Variants in ANK2 observed in about 807,000 individuals in gnomAD.
The protein encoded by ANK2 is ankyrin 2, also known as ankyrin-2.
ANK2 carries 83 observed loss-of-function variants against 360.5 expected under a neutral mutation model. That is an observed-to-expected ratio of 0.23 (90% CI 0.19 to 0.28). The LOEUF is 0.28. Ranked by LOEUF, ANK2 falls within the 10% of genes least tolerant of loss-of-function variation. The pLI, the probability that ANK2 is intolerant of heterozygous loss-of-function variation, is 1.00. For missense variants in ANK2, 4,201 were observed against 4,795.7 expected (o/e 0.88, Z 3.66); for synonymous variants, 1,740 against 1,759.5 (o/e 0.99, Z 0.28).
the ANK2 span, among the ~76,000 whole-genome samples, chr4:112,774,968 T>G: frequency 1.3e-5 from 2 of 152,192 alleles, no homozygotes; most frequent in Non-Finnish European, 2.9e-5. Context: ...TTTTAAAGAC[T>G]CAACTGAAAT....
At chr4:113,093,136 C>T (rs977951219) in intron 1 of ANK2, among the ~76,000 whole-genome samples, 1 of 152,068 alleles carries the variant, frequency 6.6e-6, no homozygotes, top group African/African-American at 2.4e-5. Context: ...CTGGCAGTAA[C>T]CAATTATTAT....
the ANK2 span, chr4:112,797,878 T>G: frequency 6.5e-6 from 1 of 153,692 alleles, no homozygotes. Flanking sequence ...TTTTACCAAA[T>G]TAATTTTATT....
chr4:113,178,792 T>C (rs968883026), intron 2 of ANK2, among the ~76,000 whole-genome samples: 2 of 152,122 alleles, frequency 1.3e-5, no homozygotes, highest in African/African-American at 4.8e-5. Context: ...CAGGGATTAG[T>C]TCAAGTTTAC....
chr4:112,951,956 A>T (rs1189581408), intron 2 of ANK2, among the ~76,000 whole-genome samples: 1 of 152,210 alleles, frequency 6.6e-6, no homozygotes, highest in Non-Finnish European at 1.5e-5. Flanking sequence ...CCAATTTATT[A>T]ACCCTTTACC....
At chr4:113,023,331 C>G (rs1579281925) in intron 2 of ANK2, among the ~76,000 whole-genome samples, 1 of 152,178 alleles carries the variant, frequency 6.6e-6, no homozygotes, top group East Asian at 1.9e-4. Flanking sequence ...AGATTCTGTC[C>G]CTGCATGGGC....
chr4:112,871,196 T>C (rs2150257841), intron 1 of ANK2, among the ~76,000 whole-genome samples: 1 of 152,212 alleles, frequency 6.6e-6, no homozygotes, highest in East Asian at 1.9e-4. Flanking sequence ...TAGTTTTTTT[T>C]TTTTTGTGAG....
intron 32 of ANK2, among the ~76,000 whole-genome samples, chr4:113,340,920 T>A (rs1171285642): frequency 1.3e-5 from 2 of 151,616 alleles, no homozygotes; most frequent in East Asian, 1.9e-4. Flanking sequence ...AATGAAAATA[T>A]TTCCATCTAA....
intron 26 of ANK2, among the ~76,000 whole-genome samples, chr4:113,329,912 T>A (rs1232576652): frequency 6.6e-6 from 1 of 152,208 alleles, no homozygotes; most frequent in Non-Finnish European, 1.5e-5. Flanking sequence ...AGGAAACTTG[T>A]CAATTGTTCT....
chr4:113,324,028 C>T (rs534730063), intron 26 of ANK2, among the ~76,000 whole-genome samples: 21 of 152,290 alleles, frequency 1.4e-4, no homozygotes, highest in Middle Eastern at 3.4e-3. Flanking sequence ...CTGTTCCAGA[C>T]TTACTGTGGA....
At chr4:112,713,609 A>C in the ANK2 span, among the ~76,000 whole-genome samples, 1 of 152,094 alleles carries the variant, frequency 6.6e-6, no homozygotes, top group Admixed American at 6.6e-5. Context: ...TGTGTGAAGC[A>C]TGTTTTTATT....
intron 2 of ANK2, among the ~76,000 whole-genome samples, chr4:112,971,839 T>G (rs2039663765): frequency 6.6e-6 from 1 of 152,156 alleles, no homozygotes; most frequent in African/African-American, 2.4e-5. Flanking sequence ...TACCCTATGA[T>G]GAAAGACTCA....
At position 113,145,793 on chromosome 4, in the gene ANK2, G is replaced by T. The variant is rs577677358; in HGVS notation, c.85-28623G>T. 1.3e-5 allele frequency: 16 copies of T among 1,259,140 alleles called. No homozygotes were observed. The South Asian group carries it at 2.0e-4, about 16-fold the overall frequency. 78.0% of individuals were successfully genotyped at this position (1,259,140 alleles called of 1,614,324 possible). On this transcript the variant is annotated intron_variant, in intron 1 of 45. Coordinates refer to ENST00000357077, the MANE Select transcript of ANK2 (RefSeq NM_001148.6). ...TCATCTTGATGAATTGCCCACATTA[G>T]TGTACCCCTGGGAGCCCTGGACAGA...
Position 112,918,070 on chromosome 4 carries a change from A to T in ANK2, c.21+13556A>T, listed in dbSNP as rs527501220. ...GCACTATCAACATCTTTCTTCTCTGACCCTGCTTTACCTGTCAGTTCTTTA... is the reference window on the plus strand; with the variant it reads ...GCACTATCAACATCTTTCTTCTCTGTCCCTGCTTTACCTGTCAGTTCTTTA... On this transcript the variant is annotated intron_variant, in intron 2 of 30. Coordinates refer to the ANK2 transcript ENST00000503271. 2.6e-4 allele frequency among the ~76,000 whole-genome samples: 40 copies of T among 152,170 alleles called. 3 individuals carry two copies. The South Asian group carries it at 8.3e-3, about 32-fold the overall frequency.
intron 4 of ANK2, among the ~76,000 whole-genome samples, chr4:113,224,866 G>T (rs2099196108): frequency 7.0e-6 from 1 of 142,624 alleles, no homozygotes; most frequent in South Asian, 2.3e-4. Context: ...CTGGCTAAGA[G>T]ATCTTTGAAG....
rs756356716 is a variant in ANK2 at position 113,358,021 on chromosome 4, G to C, written c.9403G>C (p.Gly3135Arg). The change falls in exon 38 of 46, where the codon GGT becomes CGT. Residue 3135 changes from glycine (G) to arginine (R), a missense_variant. By Grantham distance (125) the Gly-to-Arg change is moderately radical. This residue lies in a region of ANK2 where 2,642 missense variants were observed against 2,714.5 expected (regional missense o/e 0.97). Coordinates refer to ENST00000357077, the MANE Select transcript of ANK2 (RefSeq NM_001148.6). ...TGAAAGTTTTCACTTTTTCCAAATTGGTCAAGAATCCAGGGAAGAGACTCT... is the reference window on the plus strand; with the variant it reads ...TGAAAGTTTTCACTTTTTCCAAATTCGTCAAGAATCCAGGGAAGAGACTCT... ...ADESFHFFQI[G>R]QESREETLSE... 3 of 1,613,872 alleles carry C rather than the reference G, an allele frequency of 1.9e-6. No individual in the cohort carries two copies. The highest frequency in any genetic ancestry group is 3.3e-5 in the Admixed American group (2 of 59,990).
chr4:113,108,544 T>C (rs1562124150), intron 1 of ANK2, among the ~76,000 whole-genome samples: 1 of 152,168 alleles, frequency 6.6e-6, no homozygotes, highest in Admixed American at 6.5e-5. Context: ...TATTATAGAA[T>C]GGCTAGTAAG....
At chr4:112,973,177 C>G (rs1331026369) in intron 2 of ANK2, among the ~76,000 whole-genome samples, 6 of 142,936 alleles carry the variant, frequency 4.2e-5, no homozygotes, top group Non-Finnish European at 9.1e-5. Context: ...TGAAATAAAT[C>G]ATTTGCATTG....
intron 1 of ANK2, among the ~76,000 whole-genome samples, chr4:113,073,763 G>A (rs914356528): frequency 2.0e-5 from 3 of 152,128 alleles, no homozygotes; most frequent in Admixed American, 1.3e-4. Flanking sequence ...GATCATCGAC[G>A]GCTGCCACGC....
At chr4:112,957,923 C>A (rs1466725465) in intron 2 of ANK2, among the ~76,000 whole-genome samples, 1 of 150,754 alleles carries the variant, frequency 6.6e-6, no homozygotes, top group Non-Finnish European at 1.5e-5. Flanking sequence ...GACGGGGTCG[C>A]GGCCAGGTAG....
Sources: allele counts gnomAD v4.1 joint callset (sites outside exome capture counted in the v4.1 genomes callset), GRCh38; gene constraint gnomAD v4.1.1; regional missense constraint gnomAD v4.1.1; transcripts MANE v1.5; gene names NCBI Gene and HGNC (gene_info 2026-07-23, HGNC 2026-07-21).